The following PKP4 variants were observed in gnomAD, a reference collection of about 807,000 sequenced individuals.
The protein encoded by PKP4 is plakophilin 4, also known as plakophilin-4.
PKP4 carries 90 observed loss-of-function variants against 145.1 expected under a neutral mutation model. The observed-to-expected ratio is 0.62, with a 90% CI of 0.52 to 0.74. The LOEUF (loss-of-function observed/expected upper bound fraction) is 0.74. Among genes scored for constraint, PKP4 ranks in the 30% least tolerant of loss-of-function variants. The pLI is 0.00. For synonymous variants in PKP4, 563 were observed against 577.2 expected (o/e 0.98, Z 0.35); for missense variants, 1,340 against 1,482.7 (o/e 0.90, Z 1.58).
chr2:158,678,939 C>T (rs1245299847), intron 21 of PKP4: 20 of 449,544 alleles, frequency 4.4e-5, no homozygotes, highest in Non-Finnish European at 7.7e-5. Flanking sequence ...TGTCCTCTTC[C>T]CACTCTTTTT....
At chr2:158,480,215 A>G (rs754447997) in intron 1 of PKP4, among the ~76,000 whole-genome samples, 9 of 152,086 alleles carry the variant, frequency 5.9e-5, no homozygotes, top group Admixed American at 6.6e-5. Flanking sequence ...TGCCTCCTAT[A>G]TGGAATTTAT....
At position 158,669,734 on chromosome 2, in the gene PKP4, C is replaced by G; in HGVS notation, c.2743C>G (p.Arg915Gly). The G allele has an allele frequency of 6.3e-7, 1 of 1,593,148 alleles. No individual in the cohort carries two copies. The highest frequency in any genetic ancestry group is 2.2e-5 in the East Asian group (1 of 44,490). ...NKELIGKYAM[R>G]DLVNRLPGGN... ...GCCGTTGGCAGGCAAATACGCCATG[C>G]GAGACCTGGTCAACCGGCTCCCCGG... Residue 915 changes from arginine to glycine, a missense_variant, in exon 17 of 22, where the codon CGA becomes GGA. Arg to Gly is a moderately radical substitution (Grantham distance 125). Transcript: ENST00000389759.
intron 14 of PKP4, 32 bp from the exon 15 acceptor site, chr2:158,663,240 C>G: frequency 6.3e-7 from 1 of 1,595,786 alleles, no homozygotes; most frequent in Non-Finnish European, 8.6e-7. Context: ...GTTCATTCTG[C>G]CTCCATTTAA....
intron 2 of PKP4, among the ~76,000 whole-genome samples, chr2:158,539,882 G>A (rs1219976635): frequency 6.6e-6 from 1 of 152,170 alleles, no homozygotes; most frequent in Non-Finnish European, 1.5e-5. Flanking sequence ...ATGTACCATG[G>A]TCAGAATTTA....
At chr2:158,512,056 A>G (rs1056654773) in intron 1 of PKP4, among the ~76,000 whole-genome samples, 1 of 152,230 alleles carries the variant, frequency 6.6e-6, no homozygotes, top group African/African-American at 2.4e-5. Context: ...ATTCTATTAC[A>G]TATGCATTTG....
chr2:158,551,992 C>T (rs1413819651), intron 2 of PKP4, among the ~76,000 whole-genome samples: 1 of 152,170 alleles, frequency 6.6e-6, no homozygotes, highest in African/African-American at 2.4e-5. Flanking sequence ...AGCCTATAAA[C>T]GTTATCTTAT....
chr2:158,575,802 C>A (rs3755410), intron 2 of PKP4, among the ~76,000 whole-genome samples: 66,000 of 141,778 alleles, frequency 0.47, 14,592 homozygotes, highest in East Asian at 0.65. Context: ...ACAAAAAAAA[C>A]AAAATGATGC....
At chr2:158,465,656 CAG>C (rs1376419593) in intron 1 of PKP4, among the ~76,000 whole-genome samples, 1 of 152,124 alleles carries the variant, frequency 6.6e-6, no homozygotes, top group Non-Finnish European at 1.5e-5. Context: ...TATGAATAAA[CAG>C]AATGTTTCAA....
chr2:158,621,122 G>T lies in PKP4; in HGVS notation c.412+1G>T, dbSNP rs191936477. The T allele has an allele frequency of 1.2e-3, 2,013 of 1,614,078 alleles. 48 individuals carry two copies. In the Admixed American group the frequency reaches 0.032, roughly 26 times the overall value. ...CAGACATCTCTCCATGAAAGTGAGG[G>T]TCTGTTGTGTTATCTTTTAAGTACT... On this transcript the variant is annotated splice_donor_variant, in intron 5 of 21. Transcript: ENST00000389759. LOFTEE classifies it high-confidence loss of function.
At chr2:158,494,628 T>A (rs747296397) in intron 1 of PKP4, among the ~76,000 whole-genome samples, 5 of 152,208 alleles carry the variant, frequency 3.3e-5, no homozygotes, top group Non-Finnish European at 7.3e-5. Flanking sequence ...TGCAAAGACT[T>A]TTTCAAAGTA....
chr2:158,663,936 T>A (rs1410864045), intron 15 of PKP4, among the ~76,000 whole-genome samples: 1 of 152,172 alleles, frequency 6.6e-6, no homozygotes, highest in Non-Finnish European at 1.5e-5. Context: ...AGTCTTGTGG[T>A]GCAGAGAAGA....
chr2:158,530,382 T>C (rs530652879), intron 1 of PKP4, among the ~76,000 whole-genome samples: 1 of 152,278 alleles, frequency 6.6e-6, no homozygotes, highest in East Asian at 1.9e-4. Flanking sequence ...TTCAGCAACC[T>C]ATCTGTAAGC....
At chr2:158,673,300 C>G (rs914053861) in intron 17 of PKP4, among the ~76,000 whole-genome samples, 1 of 152,174 alleles carries the variant, frequency 6.6e-6, no homozygotes, top group African/African-American at 2.4e-5. Flanking sequence ...GGGAGGGTCT[C>G]CAGACACTCA....
At chr2:158,498,168 A>G (rs1246208684) in intron 1 of PKP4, among the ~76,000 whole-genome samples, 2 of 151,968 alleles carry the variant, frequency 1.3e-5, no homozygotes, top group East Asian at 3.9e-4. Context: ...TTTTATTTTT[A>G]TTTTTTTGAG....
At chr2:158,494,299 G>T (rs890087355) in intron 1 of PKP4, among the ~76,000 whole-genome samples, 2 of 151,714 alleles carry the variant, frequency 1.3e-5, no homozygotes, top group Admixed American at 1.3e-4. Context: ...ACAAGAAACA[G>T]CCCTAAAAAA....
chr2:158,515,278 C>CT (rs1237391032), intron 1 of PKP4, among the ~76,000 whole-genome samples: 1 of 152,054 alleles, frequency 6.6e-6, no homozygotes, highest in African/African-American at 2.4e-5. Context: ...GTAGGCTGGG[C>CT]TTTTTTTCTG....
At chr2:158,656,767 A>G (rs750505430) in intron 11 of PKP4, among the ~76,000 whole-genome samples, 8 of 152,166 alleles carry the variant, frequency 5.3e-5, no homozygotes, top group Non-Finnish European at 1.0e-4. Flanking sequence ...TAGAGTCAGA[A>G]GATTGTTTCA....
chr2:158,463,110 G>A (rs1379151689), intron 1 of PKP4, among the ~76,000 whole-genome samples: 3 of 152,244 alleles, frequency 2.0e-5, no homozygotes, highest in East Asian at 3.9e-4. Context: ...ATAGTTTGCA[G>A]GACATTGTAG....
At chr2:158,666,365 G>T (rs2057082404) in intron 15 of PKP4, 48 bp from the exon 16 acceptor site, 6 of 1,466,904 alleles carry the variant, frequency 4.1e-6, no homozygotes, top group Non-Finnish European at 5.5e-6. Context: ...TAACATATGA[G>T]ACTGGAACTC....
Sources: gnomAD v4.1 joint callset for allele counts (sites outside exome capture counted in the v4.1 genomes callset) on GRCh38, gnomAD v4.1.1 for gene constraint, MANE v1.5 for transcripts, NCBI Gene and HGNC (gene_info 2026-07-23, HGNC 2026-07-21) for gene names.